The following EXOC6 variants were observed in gnomAD, a reference collection of about 807,000 sequenced individuals.
EXOC6 encodes the protein SEC15-like 1.
In EXOC6, 60 loss-of-function variants were observed where a neutral mutation model predicts 112.5. That is an observed-to-expected ratio of 0.53 (90% CI 0.43 to 0.66). The LOEUF is 0.66. EXOC6 is among the 30% of genes least tolerant of loss of function. The probability of loss-of-function intolerance (pLI) is 0.00; values close to 1 mark genes in which losing one functional copy is unlikely to be tolerated. For synonymous variants in EXOC6, 295 were observed against 308.0 expected (o/e 0.96, Z 0.44); for missense variants, 855 against 957.1 (o/e 0.89, Z 1.41).
intron 20 of EXOC6, among the ~76,000 whole-genome samples, chr10:93,017,770 G>T (rs1050691510): frequency 6.6e-6 from 1 of 151,640 alleles, no homozygotes; most frequent in Non-Finnish European, 1.5e-5. Context: ...CCAGCACTTT[G>T]GGAGGCTGAG....
At chr10:93,038,015 G>C (rs1845592586) in intron 20 of EXOC6, among the ~76,000 whole-genome samples, 1 of 144,022 alleles carries the variant, frequency 6.9e-6, no homozygotes, top group African/African-American at 2.5e-5. Context: ...ACTCCAGCCT[G>C]GGCTACAGAG....
At chr10:92,997,970 A>G (rs1404398832) in intron 19 of EXOC6, among the ~76,000 whole-genome samples, 1 of 152,184 alleles carries the variant, frequency 6.6e-6, no homozygotes, top group African/African-American at 2.4e-5. Flanking sequence ...CTTGCCCTGT[A>G]AGTAACTTTT....
At chr10:92,957,834 A>G (rs1434029038) in intron 17 of EXOC6, among the ~76,000 whole-genome samples, 2 of 152,222 alleles carry the variant, frequency 1.3e-5, no homozygotes, top group Admixed American at 6.5e-5. Context: ...ATTTCCATTC[A>G]TAGTGAATAG....
At chr10:93,041,210 C>T (rs1428647994) in intron 20 of EXOC6, among the ~76,000 whole-genome samples, 3 of 150,724 alleles carry the variant, frequency 2.0e-5, no homozygotes, top group Non-Finnish European at 4.4e-5. Context: ...ATCCTCTTCT[C>T]TCCATGTTAA....
At chr10:92,880,148 A>C (rs1020769019) in intron 1 of EXOC6, among the ~76,000 whole-genome samples, 6 of 152,202 alleles carry the variant, frequency 3.9e-5, no homozygotes, top group Non-Finnish European at 7.3e-5. Flanking sequence ...AAATCCATGG[A>C]TGTTGAAATC....
At chr10:92,940,849 A>G (rs1187165632) in intron 13 of EXOC6, 25 bp downstream of exon 13, 1 of 1,371,682 alleles carries the variant, frequency 7.3e-7, no homozygotes, top group Non-Finnish European at 1.0e-6. Flanking sequence ...TGGTGCCTTA[A>G]TATAATGAAT....
chr10:92,848,446 C>CCCCCCCCCAA, upstream of EXOC6: 4 of 1,008,480 alleles, frequency 4.0e-6, no homozygotes, highest in Non-Finnish European at 5.0e-6. Context: ...CCGCCCCCGC[C>CCCCCCCCCAA]CCGCCCCTTC....
At chr10:92,867,613 T>C (rs1848239173) in intron 1 of EXOC6, among the ~76,000 whole-genome samples, 1 of 152,116 alleles carries the variant, frequency 6.6e-6, no homozygotes. Context: ...AAAAGATAAT[T>C]TTCAAAAAGG....
intron 20 of EXOC6, among the ~76,000 whole-genome samples, chr10:93,043,996 C>T (rs1041555585): frequency 6.6e-6 from 1 of 152,172 alleles, no homozygotes; most frequent in Non-Finnish European, 1.5e-5. Flanking sequence ...GTCTCTGTTT[C>T]GTTGTCTCAG....
upstream of EXOC6, among the ~76,000 whole-genome samples, chr10:92,834,207 C>T (rs1407272561): frequency 2.0e-5 from 3 of 152,126 alleles, no homozygotes; most frequent in Middle Eastern, 3.2e-3. Flanking sequence ...AATCACATCC[C>T]ATAGCACATT....
intron 1 of EXOC6, among the ~76,000 whole-genome samples, chr10:92,850,307 G>T (rs1352729155): frequency 6.6e-6 from 1 of 152,160 alleles, no homozygotes; most frequent in African/African-American, 2.4e-5. Context: ...GTGTTATTCT[G>T]TTCTTTTTTG....
chr10:93,017,501 A>G (rs775909986), intron 20 of EXOC6, among the ~76,000 whole-genome samples: 27 of 152,050 alleles, frequency 1.8e-4, no homozygotes, highest in Non-Finnish European at 3.2e-4. Flanking sequence ...CGGCAGGGGA[A>G]TCGCTTGAAC....
At chr10:92,887,428 G>A (rs534147049) in intron 1 of EXOC6, among the ~76,000 whole-genome samples, 8 of 95,678 alleles carry the variant, frequency 8.4e-5, no homozygotes, top group East Asian at 6.1e-4. Flanking sequence ...ACGGAGTTTC[G>A]TTCTTATCGC....
intron 5 of EXOC6, chr10:92,900,673 A>C (rs1419145957): frequency 1.3e-5 from 2 of 151,910 alleles, no homozygotes; most frequent in Admixed American, 1.3e-4. Context: ...AAAAAAAAAA[A>C]AACAGATATC....
At chr10:92,927,707 T>C (rs558790118) in intron 8 of EXOC6, among the ~76,000 whole-genome samples, 18 of 152,250 alleles carry the variant, frequency 1.2e-4, no homozygotes, top group Admixed American at 1.1e-3. Flanking sequence ...ATGGTATAAG[T>C]GCTATGATAG....
intron 20 of EXOC6, among the ~76,000 whole-genome samples, chr10:93,047,644 G>T (rs1280595427): frequency 6.6e-6 from 1 of 150,768 alleles, no homozygotes; most frequent in Non-Finnish European, 1.5e-5. Flanking sequence ...CAATAAATCA[G>T]ATGGAAGAAT....
chr10:92,980,475 TTG>T (rs1417993390), intron 18 of EXOC6, among the ~76,000 whole-genome samples: 1 of 152,214 alleles, frequency 6.6e-6, no homozygotes, highest in African/African-American at 2.4e-5. Flanking sequence ...ATTAGTTTCA[TTG>T]TGTAATGAAA....
chr10:92,843,385 T>C (rs1846928416), intron 1 of EXOC6, among the ~76,000 whole-genome samples: 1 of 152,224 alleles, frequency 6.6e-6, no homozygotes, highest in Admixed American at 6.5e-5. Flanking sequence ...TCAGAGCCAA[T>C]GTATAAAGAC....
At chr10:92,972,994 G>A (rs1207135478) in intron 17 of EXOC6, among the ~76,000 whole-genome samples, 1 of 152,114 alleles carries the variant, frequency 6.6e-6, no homozygotes, top group East Asian at 1.9e-4. Context: ...AAGCCCTTTG[G>A]TTGACCTATC....
Sources: gnomAD v4.1 joint callset for allele counts (sites outside exome capture counted in the v4.1 genomes callset) on GRCh38, gnomAD v4.1.1 for gene constraint, MANE v1.5 for transcripts, NCBI Gene and HGNC (gene_info 2026-07-23, HGNC 2026-07-21) for gene names.